EIF4G3: variants seen among roughly 807,000 people sequenced by gnomAD.
EIF4G3 encodes the protein eukaryotic translation initiation factor 4 gamma 3.
EIF4G3 carries 34 observed loss-of-function variants against 186.4 expected under a neutral mutation model. The observed-to-expected ratio is 0.18, with a 90% CI of 0.14 to 0.24. The LOEUF is 0.24. Among genes scored for constraint, EIF4G3 ranks in the 10% least tolerant of loss-of-function variants. The probability of loss-of-function intolerance (pLI) is 1.00; values close to 1 mark genes in which losing one functional copy is unlikely to be tolerated. For synonymous variants in EIF4G3, 673 were observed against 679.5 expected (o/e 0.99, Z 0.15); for missense variants, 1,536 against 1,948.5 (o/e 0.79, Z 3.99).
intron 8 of EIF4G3, among the ~76,000 whole-genome samples, chr1:20,981,871 CTATTA>C (rs2078361433): frequency 1.3e-5 from 2 of 151,826 alleles, no homozygotes; most frequent in Non-Finnish European, 2.9e-5. Flanking sequence ...TGATATTTCT[CTATTA>C]TATAAAAGAA....
chr1:21,145,477 G>A (rs1409910386), intron 2 of EIF4G3, among the ~76,000 whole-genome samples: 4 of 151,042 alleles, frequency 2.6e-5, no homozygotes, highest in Non-Finnish European at 5.9e-5. Context: ...TGTTTCCCAG[G>A]CTGGTCTCAA....
At chr1:20,892,516 G>T in intron 18 of EIF4G3, 1 of 875,548 alleles carries the variant, frequency 1.1e-6, no homozygotes, top group Non-Finnish European at 1.8e-6. Context: ...CATGTCATTT[G>T]TTAAAATTTT....
At position 21,122,778 on chromosome 1, in the gene EIF4G3, G is replaced by A. The variant is rs559284024; in HGVS notation, c.-271-33565C>T. Among the ~76,000 whole-genome samples, 236 of 152,242 alleles carry A rather than the reference G, an allele frequency of 1.6e-3. 3 individuals carry two copies. The highest frequency in any genetic ancestry group is 5.3e-3 in the African/African-American group (221 of 41,528). On this transcript the variant is annotated intron_variant, in intron 2 of 36. Transcript: ENST00000602326. ...CCTTTCCAATGCATTTAACATATCG[G>A]CTGGGGTCTTAGTCTGCCAGTTTGT... is the stretch of plus-strand genomic sequence containing the variant.
intron 29 of EIF4G3, among the ~76,000 whole-genome samples, chr1:20,842,291 A>G (rs2068902300): frequency 6.6e-6 from 1 of 152,210 alleles, no homozygotes; most frequent in Non-Finnish European, 1.5e-5. Flanking sequence ...CCTTTAATCT[A>G]AAATCGTCCT....
intron 4 of EIF4G3, among the ~76,000 whole-genome samples, chr1:21,025,536 G>A (rs974033624): frequency 1.3e-5 from 2 of 152,162 alleles, no homozygotes; most frequent in Admixed American, 6.5e-5. Context: ...GAAGAAAGCT[G>A]CTTCTCCAAG....
chr1:21,176,673 C>T, intron 1 of EIF4G3, 49 bp downstream of exon 1: 1 of 570,258 alleles, frequency 1.8e-6, no homozygotes, highest in East Asian at 3.5e-5. Flanking sequence ...CAACGCGACC[C>T]CAGGGGGGGG....
downstream of EIF4G3, chr1:20,806,388 T>A (rs1258240303): frequency 6.6e-6 from 1 of 152,450 alleles, no homozygotes; most frequent in Non-Finnish European, 1.5e-5. Flanking sequence ...CCCTCAGGAG[T>A]GATTTGAATT....
At chr1:20,813,114 G>T in intron 35 of EIF4G3, 44 bp downstream of exon 35, 1 of 1,319,062 alleles carries the variant, frequency 7.6e-7, no homozygotes, top group Non-Finnish European at 1.1e-6. Context: ...TTGACATAAT[G>T]GGGATTTCAG....
chr1:21,139,865 T>G (rs938176590), intron 2 of EIF4G3, among the ~76,000 whole-genome samples: 1 of 152,120 alleles, frequency 6.6e-6, no homozygotes, highest in East Asian at 1.9e-4. Context: ...TCTATATAAT[T>G]TAAACTACAA....
chr1:20,881,560 G>A (rs1222530520), intron 19 of EIF4G3, among the ~76,000 whole-genome samples: 1 of 152,134 alleles, frequency 6.6e-6, no homozygotes, highest in Non-Finnish European at 1.5e-5. Flanking sequence ...GCTGGGGTGG[G>A]TGCACTGTTT....
At chr1:20,845,706 C>CAT (rs1215808864) in intron 29 of EIF4G3, among the ~76,000 whole-genome samples, 1 of 151,704 alleles carries the variant, frequency 6.6e-6, no homozygotes, top group African/African-American at 2.4e-5. Flanking sequence ...AAAAAAAATA[C>CAT]ATATATATAG....
At chr1:20,898,849 G>C (rs1397143997) in intron 16 of EIF4G3, among the ~76,000 whole-genome samples, 1 of 152,148 alleles carries the variant, frequency 6.6e-6, no homozygotes, top group Non-Finnish European at 1.5e-5. Context: ...TCCTGCCTCA[G>C]CTTCCCAAGT....
intron 20 of EIF4G3, among the ~76,000 whole-genome samples, chr1:20,865,470 A>G (rs1406293310): frequency 1.3e-5 from 2 of 152,038 alleles, no homozygotes; most frequent in Admixed American, 6.6e-5. Context: ...CTCTCATATA[A>G]ATGTACTCTT....
At chr1:21,167,298 T>A (rs567968957) in intron 2 of EIF4G3, among the ~76,000 whole-genome samples, 1 of 152,314 alleles carries the variant, frequency 6.6e-6, no homozygotes, top group African/African-American at 2.4e-5. Context: ...TCAATCCTCT[T>A]TCCCTCATCC....
intron 14 of EIF4G3, among the ~76,000 whole-genome samples, chr1:20,927,607 G>T (rs1284849901): frequency 6.6e-6 from 1 of 152,174 alleles, no homozygotes; most frequent in Non-Finnish European, 1.5e-5. Flanking sequence ...TGAATGGTTA[G>T]ATAGCTGGAA....
intron 14 of EIF4G3, among the ~76,000 whole-genome samples, chr1:20,935,937 A>G (rs1006348815): frequency 3.9e-5 from 6 of 152,226 alleles, no homozygotes; most frequent in African/African-American, 1.2e-4. Context: ...ATGTGGGGAA[A>G]AGGGAGCTAC....
At chr1:21,042,763 C>A (rs925639541) in intron 4 of EIF4G3, among the ~76,000 whole-genome samples, 14 of 152,218 alleles carry the variant, frequency 9.2e-5, no homozygotes, top group African/African-American at 1.4e-4. Flanking sequence ...ACTTCCCCCA[C>A]AACACGCTCT....
intron 14 of EIF4G3, among the ~76,000 whole-genome samples, chr1:20,924,964 A>G (rs557985201): frequency 1.3e-5 from 2 of 152,352 alleles, no homozygotes; most frequent in Non-Finnish European, 2.9e-5. Context: ...CATATGAACA[A>G]AAAGATTTCA....
intron 14 of EIF4G3, among the ~76,000 whole-genome samples, chr1:20,939,082 G>A (rs1294588414): frequency 6.7e-6 from 1 of 149,524 alleles, no homozygotes; most frequent in African/African-American, 2.5e-5. Context: ...ACTCCAGCCC[G>A]GGCGATGGAG....
Sources: allele counts gnomAD v4.1 joint callset (sites outside exome capture counted in the v4.1 genomes callset), GRCh38; gene constraint gnomAD v4.1.1; transcripts MANE v1.5; gene names NCBI Gene and HGNC (gene_info 2026-07-23, HGNC 2026-07-21).